Variants in ZFP64 observed in about 807,000 individuals in gnomAD.
ZFP64 encodes ZFP64 zinc finger protein.
In ZFP64, 14 loss-of-function variants were observed where a neutral mutation model predicts 51.6. That is an observed-to-expected ratio of 0.27 (90% CI 0.18 to 0.42). The LOEUF (loss-of-function observed/expected upper bound fraction) is 0.42. Among genes scored for constraint, ZFP64 ranks in the 10% least tolerant of loss-of-function variants. ZFP64 has a pLI of 1.00. For synonymous variants in ZFP64, 375 were observed against 361.4 expected, an observed-to-expected ratio of 1.04 and a Z score of -0.43; for missense variants, 754 against 906.8, an observed-to-expected ratio of 0.83 and a Z score of 2.16.
Position 52,191,377 on chromosome 20 carries a change from C to G in ZFP64, c.46+214G>C, listed in dbSNP as rs913754036. Among the ~76,000 whole-genome samples the G allele has an allele frequency of 6.6e-6, 1 of 152,146 alleles. No homozygotes were observed. The highest frequency in any genetic ancestry group is 1.5e-5 in the Non-Finnish European group (1 of 67,998). On this transcript the variant is annotated intron_variant, in intron 1 of 5. Transcript: ENST00000216923. The surrounding 1 kb of genome is among the most constrained non-coding windows in gnomAD (Gnocchi z 4.3). The stretch of plus-strand genomic sequence containing the variant: ...GTCTCGCAAGGCTGGAGAGCGCCCC[C>G]GGTCTTGCGCCAGGTCGGGTGCGCC...
intron 6 of ZFP64, among the ~76,000 whole-genome samples, chr20:52,097,644 G>A (rs1341621165): frequency 1.3e-5 from 2 of 151,942 alleles, no homozygotes; most frequent in Non-Finnish European, 2.9e-5. Flanking sequence ...TGATAGAGAT[G>A]GGGTTTCACC....
At chr20:52,084,620 C>T (rs1397776221) in exon 9 of ZFP64, 1 of 1,614,076 alleles carries the variant, frequency 6.2e-7, no homozygotes, top group Non-Finnish European at 8.5e-7. Context: ...GGGTGCTGAG[C>T]TGTCCCGAGG....
chr20:52,088,738 G>A (rs973840556), intron 7 of ZFP64: 82 of 1,493,684 alleles, frequency 5.5e-5, no homozygotes, highest in Admixed American at 3.0e-4. Context: ...TGGGTGTGCC[G>A]CCTCCTCCTG....
At chr20:52,185,679 C>T (rs1248545653) in intron 2 of ZFP64, among the ~76,000 whole-genome samples, 3 of 149,128 alleles carry the variant, frequency 2.0e-5, no homozygotes, top group African/African-American at 4.9e-5. Flanking sequence ...CTCCTGGGTT[C>T]AAGCGATTCT....
Position 52,151,737 on chromosome 20 carries a change from C to G in ZFP64, c.*409G>C. On this transcript the variant is annotated 3_prime_UTR_variant, in exon 6 of 6. Transcript: ENST00000216923. ...TTTATTATGGGGCCAGGGGGATTCA[C>G]AACCATCCTTAAAAACATTAAGAGC... 2.2e-5 allele frequency: 22 copies of G among 1,014,388 alleles called. No individual in the cohort carries two copies. Among genetic ancestry groups the G allele is most frequent in the Non-Finnish European group, 2.5e-5 (21 of 846,738 alleles). 62.8% of individuals were successfully genotyped at this position (1,014,388 alleles called of 1,614,324 possible). A position where few individuals can be genotyped will look rare whatever the true frequency, so the allele number is the denominator to read the frequency against.
At chr20:52,145,645 A>C (rs1980488429) in intron 5 of ZFP64, among the ~76,000 whole-genome samples, 1 of 152,170 alleles carries the variant, frequency 6.6e-6, no homozygotes, top group Admixed American at 6.6e-5. Flanking sequence ...TCTCAAAAAC[A>C]AAACAAAACA....
chr20:52,095,022 CA>C (rs1279659939), intron 7 of ZFP64, among the ~76,000 whole-genome samples: 5 of 152,184 alleles, frequency 3.3e-5, no homozygotes, highest in African/African-American at 1.2e-4. Flanking sequence ...CCAAGGCACA[CA>C]AGGTCAAATA....
intron 5 of ZFP64, among the ~76,000 whole-genome samples, chr20:52,108,379 A>C (rs1240161105): frequency 6.6e-6 from 1 of 152,268 alleles, no homozygotes; most frequent in East Asian, 1.9e-4. Flanking sequence ...AGCCAAAAAC[A>C]AAGTGAAAAT....
intron 5 of ZFP64, among the ~76,000 whole-genome samples, chr20:52,119,533 A>AATATATATATATATATATATATAT: frequency 1.1e-5 from 1 of 89,838 alleles, no homozygotes; most frequent in African/African-American, 4.7e-5. Context: ...AAAAAAAAAA[A>AATATATATATATATATATATATAT]ATATATATAT....
chr20:52,154,464 A>G (rs1981142616), intron 5 of ZFP64, among the ~76,000 whole-genome samples: 1 of 152,210 alleles, frequency 6.6e-6, no homozygotes, highest in Non-Finnish European at 1.5e-5. Context: ...TGGTATCTTT[A>G]GATGCTAGGT....
chr20:52,105,564 A>T, intron 5 of ZFP64: 1 of 246,174 alleles, frequency 4.1e-6, no homozygotes, highest in Non-Finnish European at 7.7e-6. Flanking sequence ...TCGCATGCAC[A>T]TTAAAGTTTG....
chr20:52,186,823 C>T lies in ZFP64; in HGVS notation c.286+9G>A. 1 of 1,596,452 alleles carries T rather than the reference C, an allele frequency of 6.3e-7. No individual in the cohort carries two copies. Among genetic ancestry groups the T allele is most frequent in the East Asian group, 2.3e-5 (1 of 44,406 alleles). On this transcript the variant is annotated intron_variant, in intron 2 of 5. Transcript: ENST00000216923. Reference sequence around the variant, plus strand: ...AATTCTGGCCGACTCCCCCATGCTCCAGCTGTACCTGTGATTGTCTGGGTC... The same window carrying T: ...AATTCTGGCCGACTCCCCCATGCTCTAGCTGTACCTGTGATTGTCTGGGTC...
At chr20:52,093,018 G>A (rs1048633680) in intron 7 of ZFP64, among the ~76,000 whole-genome samples, 8 of 152,060 alleles carry the variant, frequency 5.3e-5, no homozygotes, top group African/African-American at 1.2e-4. Context: ...TGGACATGAC[G>A]TACTCCGGCT....
chr20:52,164,816 GA>G, intron 3 of ZFP64, 59 bp from the exon 4 acceptor site: 8 of 1,432,612 alleles, frequency 5.6e-6, no homozygotes, highest in Non-Finnish European at 7.8e-6. Flanking sequence ...TTAGCATGGA[GA>G]AAACTGGTAG....
chr20:52,188,549 G>A (rs978210541), intron 1 of ZFP64, among the ~76,000 whole-genome samples: 3 of 150,954 alleles, frequency 2.0e-5, no homozygotes, highest in Non-Finnish European at 1.5e-5. Context: ...TCCTGACCTC[G>A]TGATCTGCCC....
downstream of ZFP64, among the ~76,000 whole-genome samples, chr20:52,146,763 A>G (rs1980550097): frequency 6.6e-6 from 1 of 152,240 alleles, no homozygotes; most frequent in Non-Finnish European, 1.5e-5. Flanking sequence ...CATTATTCTT[A>G]TGAGATCACC....
At chr20:52,155,787 G>A (rs752518540) in intron 5 of ZFP64, among the ~76,000 whole-genome samples, 3 of 152,096 alleles carry the variant, frequency 2.0e-5, no homozygotes, top group Admixed American at 6.5e-5. Flanking sequence ...GGCACATAGC[G>A]AGGTTTAAAG....
chr20:52,119,202 TA>T (rs1403203862), intron 5 of ZFP64, among the ~76,000 whole-genome samples: 3 of 151,366 alleles, frequency 2.0e-5, no homozygotes, highest in South Asian at 2.1e-4. Flanking sequence ...GGGTTTCAGG[TA>T]GGGGGACAGC....
intron 2 of ZFP64, among the ~76,000 whole-genome samples, chr20:52,180,312 T>G (rs1194653612): frequency 2.0e-5 from 3 of 152,218 alleles, no homozygotes; most frequent in African/African-American, 7.2e-5. Context: ...CGCATTGGAA[T>G]TCACTTCTCT....
Sources: gnomAD v4.1 joint callset for allele counts (sites outside exome capture counted in the v4.1 genomes callset) on GRCh38, gnomAD v4.1.1 for gene constraint, Gnocchi (gnomAD v3.1) non-coding constraint, MANE v1.5 for transcripts, NCBI Gene and HGNC (gene_info 2026-07-23, HGNC 2026-07-21) for gene names.